Variants in CDC42SE2 observed in about 807,000 individuals in gnomAD.
The protein encoded by CDC42SE2 is CDC42 small effector protein 2.
Under a neutral mutation model 11.5 loss-of-function variants are expected in CDC42SE2, and 3 were observed. The ratio of observed to expected loss-of-function variants is 0.26; its 90% CI spans 0.12 to 0.67. The LOEUF (loss-of-function observed/expected upper bound fraction) is 0.67, where lower values mean the gene tolerates loss of function less well. Among genes scored for constraint, CDC42SE2 ranks in the 30% least tolerant of loss-of-function variants. The pLI is 0.80. For synonymous variants in CDC42SE2, 33 were observed against 34.8 expected, an observed-to-expected ratio of 0.95 and a Z score of 0.18; for missense variants, 82 against 106.8, an observed-to-expected ratio of 0.77 and a Z score of 1.02.
rs961485772 is a variant in CDC42SE2, at chr5:131,369,259, C to G, written c.54+9712C>G. Among the ~76,000 whole-genome samples, 4 of 152,126 alleles carry G rather than the reference C, an allele frequency of 2.6e-5. No individual in the cohort carries two copies. The East Asian group carries it at 7.7e-4, about 29-fold the overall frequency. On this transcript the variant is annotated intron_variant, in intron 3 of 4. Coordinates refer to ENST00000505065, the MANE Select transcript of CDC42SE2 (RefSeq NM_001375635.1). ...GATTGATTCATATTGATGCAGATAG[C>G]TAATTTTTATGTTCATTTTTCTTTA...
chr5:131,223,270 A>C, the CDC42SE2 span, among the ~76,000 whole-genome samples: 56,482 of 152,002 alleles, frequency 0.37, 15,627 homozygotes, highest in African/African-American at 0.78. Flanking sequence ...AATGCCCCTT[A>C]TCTGGCTTTC....
intron 1 of CDC42SE2, among the ~76,000 whole-genome samples, chr5:131,312,423 G>A (rs948595227): frequency 2.0e-5 from 3 of 152,218 alleles, no homozygotes; most frequent in Non-Finnish European, 4.4e-5. Flanking sequence ...AAGAGGTGGA[G>A]CCTACAGAGG....
chr5:131,293,455 C>T (rs1405198921), intron 1 of CDC42SE2, among the ~76,000 whole-genome samples: 6 of 152,046 alleles, frequency 3.9e-5, no homozygotes, highest in Non-Finnish European at 8.8e-5. Context: ...GCCTGTAATC[C>T]CGGTTACCGG....
At chr5:131,297,262 A>G (rs1178653525) in intron 1 of CDC42SE2, among the ~76,000 whole-genome samples, 1 of 151,542 alleles carries the variant, frequency 6.6e-6, no homozygotes, top group African/African-American at 2.4e-5. Flanking sequence ...AGAGAGAATG[A>G]GGCTGTTATT....
At chr5:131,300,380 C>G (rs1461977943) in intron 1 of CDC42SE2, among the ~76,000 whole-genome samples, 3 of 151,850 alleles carry the variant, frequency 2.0e-5, no homozygotes, top group Admixed American at 6.6e-5. Flanking sequence ...AATAAGAGAA[C>G]AAAGAACTAA....
At chr5:131,213,298 T>G in the CDC42SE2 span, among the ~76,000 whole-genome samples, 2 of 152,188 alleles carry the variant, frequency 1.3e-5, no homozygotes, top group Admixed American at 1.3e-4. Context: ...TTACTCTAGC[T>G]TTGAAGTTTT....
At chr5:131,280,810 A>G (rs529682834) in intron 1 of CDC42SE2, among the ~76,000 whole-genome samples, 2 of 152,336 alleles carry the variant, frequency 1.3e-5, no homozygotes, top group African/African-American at 4.8e-5. Flanking sequence ...ACTGTGTTTT[A>G]TTGAAGGCCT....
rs1391561356 is a variant in CDC42SE2 at position 131,322,050 on chromosome 5, C to T, written c.-286+5906C>T. On this transcript the variant is annotated intron_variant, in intron 2 of 4. Transcript: ENST00000505065. ...TATTTTTAGTAGAGACGGGGTTTCA[C>T]CGTGTTAGCCAGGATGGTCTCGATC... Among the ~76,000 whole-genome samples the T allele has an allele frequency of 5.3e-5, 8 of 151,738 alleles. No homozygotes were observed. In the East Asian group the frequency reaches 1.2e-3, roughly 22 times the overall value.
At chr5:131,313,234 G>A (rs551254666) in intron 1 of CDC42SE2, among the ~76,000 whole-genome samples, 7 of 151,958 alleles carry the variant, frequency 4.6e-5, no homozygotes, top group African/African-American at 1.4e-4. Flanking sequence ...TGCCTGCCTC[G>A]GCCTCCCAAA....
intron 1 of CDC42SE2, among the ~76,000 whole-genome samples, chr5:131,273,302 C>CA (rs1757032130): frequency 6.7e-6 from 1 of 149,288 alleles, no homozygotes; most frequent in South Asian, 2.1e-4. Flanking sequence ...ACTACAGGCG[C>CA]CCATCACCAC....
At chr5:131,370,130 G>A (rs1749974722) in intron 3 of CDC42SE2, among the ~76,000 whole-genome samples, 1 of 152,120 alleles carries the variant, frequency 6.6e-6, no homozygotes, top group Admixed American at 6.5e-5. Context: ...GCCCCCTTTG[G>A]GTGAGCACAT....
upstream of CDC42SE2, among the ~76,000 whole-genome samples, chr5:131,262,241 T>C (rs575315003): frequency 1.3e-5 from 2 of 152,150 alleles, no homozygotes; most frequent in Admixed American, 1.3e-4. Flanking sequence ...TATCATGTTA[T>C]TCTCATTCAG....
chr5:131,297,247 A>C (rs1172677302), intron 1 of CDC42SE2, among the ~76,000 whole-genome samples: 1 of 151,716 alleles, frequency 6.6e-6, no homozygotes, highest in Non-Finnish European at 1.5e-5. Context: ...ATAAAATATG[A>C]CAGCAGAGAG....
chr5:131,234,644 A>G, the CDC42SE2 span, among the ~76,000 whole-genome samples: 275 of 151,774 alleles, frequency 1.8e-3, no homozygotes, highest in Non-Finnish European at 3.2e-3. Context: ...TCAAAAAAAA[A>G]AAAGAAAAAA....
At chr5:131,255,740 ACAGAGCAAGACTCC>A (rs1756674699) in intron 2 of CDC42SE2, among the ~76,000 whole-genome samples, 4 of 152,210 alleles carry the variant, frequency 2.6e-5, no homozygotes, top group Admixed American at 6.5e-5. Context: ...AGCCTGGGTG[ACAGAGCAAGACTCC>A]GTCTCAGAAA....
Position 131,339,245 on chromosome 5 carries a change from T to TG in CDC42SE2, c.-285-19963dup, listed in dbSNP as rs1467409884. ...CGTGGTGACAGAGTGAGACTCTGTC[T>TG]GAAAAAAAAAAAAAAAAAAAAAAAA... On this transcript the variant is annotated intron_variant, in intron 2 of 4. Transcript: ENST00000505065. Among the ~76,000 whole-genome samples the TG allele has an allele frequency of 2.7e-3, 121 of 44,586 alleles. 2 individuals are homozygous for TG. Among genetic ancestry groups the TG allele is most frequent in the African/African-American group, 0.015 (111 of 7,224 alleles). The allele number at this position is 44,586 out of a possible 152,430, so 29.3% of individuals were successfully genotyped here. A position where few individuals can be genotyped will look rare whatever the true frequency, so the allele number is the denominator to read the frequency against.
At chr5:131,298,145 C>G (rs1455012259) in intron 1 of CDC42SE2, among the ~76,000 whole-genome samples, 2 of 151,436 alleles carry the variant, frequency 1.3e-5, no homozygotes, top group Non-Finnish European at 2.9e-5. Flanking sequence ...TCTTGTTGCC[C>G]AGGCTGGAGT....
At chr5:131,346,591 C>T (rs562076818) in intron 2 of CDC42SE2, among the ~76,000 whole-genome samples, 47 of 152,294 alleles carry the variant, frequency 3.1e-4, no homozygotes, top group Middle Eastern at 3.4e-3. Flanking sequence ...TTAGACAGAT[C>T]AATGAGACAG....
chr5:131,359,470 G>T lies in CDC42SE2; in HGVS notation c.-24G>T. 6.3e-7 allele frequency: 1 copy of T among 1,599,678 alleles called. No individual in the cohort carries two copies. The highest frequency in any genetic ancestry group is 8.6e-7 in the Non-Finnish European group (1 of 1,166,902). On this transcript the variant is annotated 5_prime_UTR_variant, in exon 3 of 5. Coordinates refer to ENST00000505065, the MANE Select transcript of CDC42SE2 (RefSeq NM_001375635.1). ...GTTGAGATTTGGAACCTTCATTGGT[G>T]CTCATTTACTGTGGACTGTAAGCAT...
Sources: allele counts gnomAD v4.1 joint callset (sites outside exome capture counted in the v4.1 genomes callset), GRCh38; gene constraint gnomAD v4.1.1; transcripts MANE v1.5; gene names NCBI Gene and HGNC (gene_info 2026-07-23, HGNC 2026-07-21).